Variants in IPO5 observed in about 807,000 individuals in gnomAD.
IPO5 encodes the protein importin 5.
A neutral mutation model predicts 143.3 loss-of-function variants in IPO5; 18 were observed. That is an observed-to-expected ratio of 0.13 (90% confidence interval 0.09 to 0.19). IPO5 has a LOEUF of 0.19. Among genes scored for constraint, IPO5 ranks in the 10% least tolerant of loss-of-function variants. The probability of loss-of-function intolerance (pLI) is 1.00; values close to 1 mark genes in which losing one functional copy is unlikely to be tolerated. For missense variants in IPO5, 1,013 were observed against 1,336.9 expected, an observed-to-expected ratio of 0.76 and a Z score of 3.78; for synonymous variants, 477 against 465.7, an observed-to-expected ratio of 1.02 and a Z score of -0.31.
intron 3 of IPO5, among the ~76,000 whole-genome samples, chr13:97,974,718 A>G (rs1169104172): frequency 6.6e-6 from 1 of 152,174 alleles, no homozygotes; most frequent in Middle Eastern, 3.2e-3. Flanking sequence ...AACAAAAAAA[A>G]GCTGCCCCAA....
At chr13:98,008,943 G>T (rs1415275964) in intron 18 of IPO5, among the ~76,000 whole-genome samples, 1 of 152,142 alleles carries the variant, frequency 6.6e-6, no homozygotes, top group Non-Finnish European at 1.5e-5. Context: ...ATGTTTTGTT[G>T]TTGTTTGCTT....
chr13:97,978,194 C>T (rs950486791), intron 4 of IPO5, among the ~76,000 whole-genome samples: 30 of 152,078 alleles, frequency 2.0e-4, no homozygotes, highest in Non-Finnish European at 1.8e-4. Flanking sequence ...CAAAGGTGAC[C>T]GCTTGTGTCG....
At chr13:97,969,173 ATATTTTTTTTTTT>A (rs1218458360) in intron 2 of IPO5, among the ~76,000 whole-genome samples, 4 of 70,132 alleles carry the variant, frequency 5.7e-5, no homozygotes, top group African/African-American at 2.7e-4. Flanking sequence ...ATATATATAT[ATATTTTTTTTTTT>A]TTTTTTTTTT....
At chr13:97,983,963 T>G (rs12876261) in intron 5 of IPO5, among the ~76,000 whole-genome samples, 1 of 120,400 alleles carries the variant, frequency 8.3e-6, no homozygotes, top group East Asian at 2.6e-4. Flanking sequence ...ATAGGGTAAC[T>G]TCTTTTTTTT....
At chr13:98,003,225 A>G (rs185845883) in intron 16 of IPO5, among the ~76,000 whole-genome samples, 188 bp downstream of exon 16, 5 of 152,338 alleles carry the variant, frequency 3.3e-5, no homozygotes, top group Admixed American at 3.3e-4. Flanking sequence ...ATGTGGGCTG[A>G]TAATTGGAAT....
intron 4 of IPO5, among the ~76,000 whole-genome samples, chr13:97,978,551 C>G (rs1566478296): frequency 6.6e-6 from 1 of 151,860 alleles, no homozygotes; most frequent in Non-Finnish European, 1.5e-5. Context: ...ACCAGTTTGC[C>G]TTGGGGATAT....
chr13:98,016,888 T>C (rs747768259), intron 25 of IPO5, 37 bp downstream of exon 25: 2 of 1,435,976 alleles, frequency 1.4e-6, no homozygotes, highest in East Asian at 5.3e-5. Context: ...TTTTGCGTAG[T>C]TTACCTGGAA....
chr13:97,976,627 C>G (rs1191183996), intron 3 of IPO5, 66 bp from the exon 4 acceptor site: 1 of 681,148 alleles, frequency 1.5e-6, no homozygotes, highest in East Asian at 8.1e-5. Context: ...GCCCCCGCCC[C>G]TCCCGCGGCC....
chr13:97,992,282 A>G (rs149701889), intron 9 of IPO5, among the ~76,000 whole-genome samples: 24 of 152,380 alleles, frequency 1.6e-4, no homozygotes, highest in African/African-American at 4.6e-4. Context: ...GATAAACACA[A>G]AATGCATACT....
In IPO5 at chr13:98,014,036, T is replaced by G. The variant is rs777047102; in HGVS notation, c.2153-6T>G. ...ACAGTCTTTTGAGGTTCCTTAACAA[T>G]GAAACGTGTTCGAGTGGCAGCAGCG... is the stretch of plus-strand genomic sequence containing the variant. On this transcript the variant is annotated splice_region_variant and splice_polypyrimidine_tract_variant and intron_variant, in intron 21 of 28. Transcript: ENST00000651721. 1.4e-5 allele frequency: 22 copies of G among 1,606,030 alleles called. No homozygotes were observed. Among genetic ancestry groups the G allele is most frequent in the Non-Finnish European group, 1.8e-5 (21 of 1,177,378 alleles).
chr13:97,995,177 T>G (rs1888148945), intron 11 of IPO5, among the ~76,000 whole-genome samples: 1 of 149,552 alleles, frequency 6.7e-6, no homozygotes, highest in South Asian at 2.1e-4. Context: ...CTTTCTTTCT[T>G]TGTTTTTTTT....
intron 2 of IPO5, among the ~76,000 whole-genome samples, chr13:97,969,040 G>A (rs776550184): frequency 4.6e-5 from 7 of 150,972 alleles, no homozygotes; most frequent in East Asian, 1.9e-4. Flanking sequence ...GCCAGGCTGC[G>A]TATCTGCTTT....
chr13:97,987,709 G>A, intron 6 of IPO5, among the ~76,000 whole-genome samples: 1 of 152,080 alleles, frequency 6.6e-6, no homozygotes, highest in Admixed American at 6.6e-5. Flanking sequence ...CACCCTGTTT[G>A]CCAGCCTGGT....
At chr13:97,966,094 T>C (rs576803581) in intron 2 of IPO5, among the ~76,000 whole-genome samples, 1 of 139,296 alleles carries the variant, frequency 7.2e-6, no homozygotes, top group Non-Finnish European at 1.5e-5. Flanking sequence ...TAAGCCGAGA[T>C]CTGCACTCCA....
chr13:97,990,435 C>T lies in IPO5; in HGVS notation c.567C>T (p.Ile189=). The change falls in exon 9 of 29, where the codon ATC becomes ATT. Residue 189 remains isoleucine, a splice_region_variant and synonymous_variant. Coordinates refer to ENST00000651721, the MANE Select transcript of IPO5 (RefSeq NM_002271.6). ...ACATTTTTTCCTCTTGATTTTAGAT[C>T]AGGACGTTATCTGCTAGAGCTACAG... ...QCMQDQEHPS[I]RTLSARATAA... is the part of the protein sequence containing the mutation. The T allele has an allele frequency of 6.3e-7, 1 of 1,589,358 alleles. No individual in the cohort carries two copies. Among genetic ancestry groups the T allele is most frequent in the South Asian group, 1.2e-5 (1 of 86,394 alleles).
In IPO5 at chr13:98,010,376, A is replaced by G. The variant is rs1417169425; in HGVS notation, c.2055+152A>G. On this transcript the variant is annotated intron_variant, in intron 20 of 28. Transcript: ENST00000651721. ...TTTCTTTCCATTTTAAAGAAATCGT[A>G]TGGATAAACCTTTCATTATCAGTGC... 8.1e-6 allele frequency: 6 copies of G among 740,254 alleles called. No individual in the cohort carries two copies. The East Asian group carries it at 1.6e-4, about 20-fold the overall frequency. 45.9% of individuals were successfully genotyped at this position (740,254 alleles called of 1,614,324 possible). A position where few individuals can be genotyped will look rare whatever the true frequency, so the allele number is the denominator to read the frequency against.
chr13:97,981,470 G>A, intron 4 of IPO5: 1 of 293,556 alleles, frequency 3.4e-6, no homozygotes, highest in Non-Finnish European at 6.6e-6. Flanking sequence ...GGGGCACTTA[G>A]TAAAAGGTTT....
At chr13:97,979,981 A>G (rs760449369) in intron 4 of IPO5, 4 of 456,320 alleles carry the variant, frequency 8.8e-6, no homozygotes, top group Non-Finnish European at 1.8e-5. Context: ...TGAGATGAGT[A>G]CATATGAGCA....
At position 97,995,200 on chromosome 13, in the gene IPO5, T is replaced by TTAA. The variant is rs1888164020; in HGVS notation, c.913+1978_913+1980dup. Among the ~76,000 whole-genome samples, 3 of 151,438 alleles carry TTAA rather than the reference T, an allele frequency of 2.0e-5. No homozygotes were observed. The East Asian group carries it at 5.8e-4, about 29-fold the overall frequency. ...CTTTGTTTTTTTTTTTTTTGTTTGT[T>TTAA]TAATAGGTTTATGGGGAACAGGTGG... On this transcript the variant is annotated intron_variant, in intron 11 of 28. Coordinates refer to ENST00000651721, the MANE Select transcript of IPO5 (RefSeq NM_002271.6).
Sources: allele counts gnomAD v4.1 joint callset (sites outside exome capture counted in the v4.1 genomes callset), GRCh38; gene constraint gnomAD v4.1.1; transcripts MANE v1.5; gene names NCBI Gene and HGNC (gene_info 2026-07-23, HGNC 2026-07-21).